The following ADGRB3 variants were observed in gnomAD, a reference collection of about 807,000 sequenced individuals.
ADGRB3 encodes adhesion G protein-coupled receptor B3.
In ADGRB3, 37 loss-of-function variants were observed where a neutral mutation model predicts 193.4. The ratio of observed to expected loss-of-function variants is 0.19; its 90% CI spans 0.15 to 0.25. ADGRB3 has a LOEUF of 0.25. ADGRB3 is among the 10% of genes least tolerant of loss of function. The pLI is 1.00. For synonymous variants in ADGRB3, 690 were observed against 644.2 expected, an observed-to-expected ratio of 1.07 and a Z score of -1.08; for missense variants, 1,637 against 1,852.9, an observed-to-expected ratio of 0.88 and a Z score of 2.14.
At chr6:69,376,856 T>G (rs1007866590) in intron 30 of ADGRB3, among the ~76,000 whole-genome samples, 2 of 152,092 alleles carry the variant, frequency 1.3e-5, no homozygotes, top group African/African-American at 4.8e-5. Context: ...TTACTAAATT[T>G]AAACTGTTGC....
intron 3 of ADGRB3, among the ~76,000 whole-genome samples, chr6:68,805,477 C>G (rs1562037007): frequency 6.6e-6 from 1 of 152,228 alleles, no homozygotes; most frequent in Non-Finnish European, 1.5e-5. Flanking sequence ...GTTCAGTGAG[C>G]CCATTATGAG....
intron 3 of ADGRB3, among the ~76,000 whole-genome samples, chr6:68,818,732 A>G (rs1430381077): frequency 6.6e-6 from 1 of 152,094 alleles, no homozygotes; most frequent in Non-Finnish European, 1.5e-5. Flanking sequence ...TCTTATCCTT[A>G]GATAGTCCCA....
At chr6:68,707,035 C>T (rs1348115131) in intron 3 of ADGRB3, among the ~76,000 whole-genome samples, 1 of 150,844 alleles carries the variant, frequency 6.6e-6, no homozygotes, top group Non-Finnish European at 1.5e-5. Context: ...GGTGTGAACC[C>T]AGGCGGCGGA....
intron 11 of ADGRB3, among the ~76,000 whole-genome samples, chr6:68,996,424 C>A (rs917058418): frequency 6.6e-6 from 1 of 152,156 alleles, no homozygotes; most frequent in Non-Finnish European, 1.5e-5. Flanking sequence ...ACTGTCTACT[C>A]AAAAACCTTT....
intron 20 of ADGRB3, among the ~76,000 whole-genome samples, chr6:69,278,540 GC>G (rs1366939335): frequency 1.3e-5 from 2 of 152,048 alleles, no homozygotes; most frequent in Non-Finnish European, 2.9e-5. Context: ...TTTATGAATA[GC>G]ATTGATAGCT....
chr6:68,671,849 C>G (rs925451887), intron 3 of ADGRB3, among the ~76,000 whole-genome samples: 2 of 151,908 alleles, frequency 1.3e-5, no homozygotes, highest in African/African-American at 4.8e-5. Flanking sequence ...GGTATTAGGT[C>G]TTCTTTAAGT....
chr6:68,764,341 A>G (rs1766468411), intron 3 of ADGRB3, among the ~76,000 whole-genome samples: 1 of 152,238 alleles, frequency 6.6e-6, no homozygotes, highest in Non-Finnish European at 1.5e-5. Context: ...GACCATGACT[A>G]CTATAAAAAA....
intron 17 of ADGRB3, among the ~76,000 whole-genome samples, chr6:69,086,285 T>C (rs1772548809): frequency 1.3e-5 from 2 of 152,262 alleles, no homozygotes; most frequent in Non-Finnish European, 2.9e-5. Flanking sequence ...TAGAAAGCTG[T>C]TTGCCCACTC....
intron 17 of ADGRB3, among the ~76,000 whole-genome samples, chr6:69,207,427 C>T (rs1422051271): frequency 6.6e-6 from 1 of 152,088 alleles, no homozygotes; most frequent in Non-Finnish European, 1.5e-5. Flanking sequence ...GGCATTGTGC[C>T]TTTTTCTTGG....
At chr6:68,799,554 G>A (rs1201142799) in intron 3 of ADGRB3, among the ~76,000 whole-genome samples, 2 of 151,894 alleles carry the variant, frequency 1.3e-5, no homozygotes, top group African/African-American at 4.8e-5. Context: ...TTTAAGTACT[G>A]TATCTACAAA....
At chr6:68,646,802 A>G (rs1163434611) in intron 3 of ADGRB3, among the ~76,000 whole-genome samples, 7 of 152,200 alleles carry the variant, frequency 4.6e-5, no homozygotes, top group Admixed American at 4.6e-4. Flanking sequence ...TAATTGTGTA[A>G]GAGTGTGTGT....
intron 3 of ADGRB3, among the ~76,000 whole-genome samples, chr6:68,683,212 A>C (rs528922634): frequency 6.6e-6 from 1 of 152,300 alleles, no homozygotes; most frequent in African/African-American, 2.4e-5. Flanking sequence ...TTTTTAAATA[A>C]ATTGATTCAT....
intron 3 of ADGRB3, among the ~76,000 whole-genome samples, chr6:68,756,695 G>T (rs574939468): frequency 2.6e-5 from 4 of 152,112 alleles, no homozygotes; most frequent in Non-Finnish European, 5.9e-5. Flanking sequence ...AGCCTCCAAT[G>T]TTGGAGGAAG....
intron 3 of ADGRB3, among the ~76,000 whole-genome samples, chr6:68,903,073 A>G (rs1766442280): frequency 6.6e-6 from 1 of 152,152 alleles, no homozygotes; most frequent in Admixed American, 6.5e-5. Flanking sequence ...AAGTTTAATA[A>G]ACTAGCTGGT....
intron 3 of ADGRB3, among the ~76,000 whole-genome samples, chr6:68,700,446 T>G (rs921897613): frequency 1.3e-5 from 2 of 152,122 alleles, no homozygotes; most frequent in African/African-American, 4.8e-5. Flanking sequence ...TATCTGATCA[T>G]AGAAAAGGGA....
intron 3 of ADGRB3, among the ~76,000 whole-genome samples, chr6:68,769,928 T>C (rs1766583626): frequency 6.6e-6 from 1 of 152,146 alleles, no homozygotes; most frequent in African/African-American, 2.4e-5. Flanking sequence ...TCCAAATTGT[T>C]CATGACTTCC....
At chr6:68,939,393 ATACCAAT>A (rs1433849747) in intron 5 of ADGRB3, among the ~76,000 whole-genome samples, 8 of 152,262 alleles carry the variant, frequency 5.3e-5, no homozygotes, top group Middle Eastern at 3.4e-3. Context: ...ACAGAACTGC[ATACCAAT>A]TACTAGCCCC....
At position 68,696,075 on chromosome 6, in the gene ADGRB3, G is replaced by A. The variant is rs145386859; in HGVS notation, c.757+56643G>A. Among the ~76,000 whole-genome samples the A allele has an allele frequency of 7.2e-5, 11 of 151,866 alleles. No homozygotes were observed. In the East Asian group the frequency reaches 7.8e-4, roughly 11 times the overall value. On this transcript the variant is annotated intron_variant, in intron 3 of 31. Transcript: ENST00000370598. ...CCTCCTCTCTGAAGGCTTTCCATTC[G>A]TCTTCTTGCCTGGCCAGAACTTCTC...
At chr6:69,244,371 G>GT (rs1582573218) in intron 20 of ADGRB3, among the ~76,000 whole-genome samples, 1 of 151,968 alleles carries the variant, frequency 6.6e-6, no homozygotes, top group Non-Finnish European at 1.5e-5. Context: ...TCAGAATTGT[G>GT]TTTTTTAAAA....
Sources: gnomAD v4.1 joint callset for allele counts (sites outside exome capture counted in the v4.1 genomes callset) on GRCh38, gnomAD v4.1.1 for gene constraint, MANE v1.5 for transcripts, NCBI Gene and HGNC (gene_info 2026-07-23, HGNC 2026-07-21) for gene names.